The following LINGO1 variants were observed in gnomAD, a reference collection of about 807,000 sequenced individuals.
LINGO1 encodes leucine-rich repeat and immunoglobulin-like domain-containing nogo receptor-interacting protein 1.
LINGO1 carries 11 observed loss-of-function variants against 37.3 expected under a neutral mutation model. That is an observed-to-expected ratio of 0.29 (90% CI 0.19 to 0.49). The LOEUF is 0.49. Ranked by LOEUF, LINGO1 falls within the 20% of genes least tolerant of loss-of-function variation. The probability of loss-of-function intolerance (pLI) is 0.99; values close to 1 mark genes in which losing one functional copy is unlikely to be tolerated. For synonymous variants in LINGO1, 387 were observed against 403.0 expected (o/e 0.96, Z 0.48); for missense variants, 585 against 878.2 (o/e 0.67, Z 4.22).
intron 1 of LINGO1, among the ~76,000 whole-genome samples, chr15:77,692,568 C>T (rs983458992): frequency 1.3e-5 from 2 of 152,318 alleles, no homozygotes; most frequent in South Asian, 2.1e-4. Flanking sequence ...ATTGAAGTTG[C>T]GGATGCATCC....
intron 1 of LINGO1, among the ~76,000 whole-genome samples, chr15:77,811,457 C>T (rs1442923684): frequency 1.3e-5 from 2 of 152,146 alleles, no homozygotes; most frequent in Admixed American, 1.3e-4. Flanking sequence ...TCTGCCCAAT[C>T]CTGGGCTACA....
At chr15:77,671,346 G>C (rs1326264727) in intron 3 of LINGO1, among the ~76,000 whole-genome samples, 3 of 152,192 alleles carry the variant, frequency 2.0e-5, no homozygotes, top group Non-Finnish European at 4.4e-5. Context: ...AGGAGAGGGG[G>C]TGAGAAGGGA....
In LINGO1 at chr15:77,624,250, T is replaced by C. The variant is rs558704854; in HGVS notation, c.6+8060A>G. Among the ~76,000 whole-genome samples, 21 of 152,064 alleles carry C rather than the reference T, an allele frequency of 1.4e-4. No homozygotes were observed. In the East Asian group the frequency reaches 2.3e-3, roughly 17 times the overall value. On this transcript the variant is annotated intron_variant, in intron 1 of 1. Transcript: ENST00000355300. ...GTATGGTGTGTGAGTGGCCTCTGTGTGTGTGTGCTGGTTGCCTCTCCTCCC... is the reference window on the plus strand; with the variant it reads ...GTATGGTGTGTGAGTGGCCTCTGTGCGTGTGTGCTGGTTGCCTCTCCTCCC...
At chr15:77,654,712 G>C (rs7174793) in intron 3 of LINGO1, among the ~76,000 whole-genome samples, 3 of 152,024 alleles carry the variant, frequency 2.0e-5, no homozygotes, top group Non-Finnish European at 1.5e-5. Context: ...TCTAACCCTG[G>C]CTCTGCTGCC....
chr15:77,665,033 T>C (rs28498879), intron 3 of LINGO1, among the ~76,000 whole-genome samples: 10,396 of 152,144 alleles, frequency 0.068, 1,231 homozygotes, highest in African/African-American at 0.24. Context: ...TGGGCGCACA[T>C]CTTGGTATAC....
intron 1 of LINGO1, among the ~76,000 whole-genome samples, chr15:77,621,183 T>C (rs1354690378): frequency 6.6e-6 from 1 of 151,944 alleles, no homozygotes; most frequent in Non-Finnish European, 1.5e-5. Flanking sequence ...GCCTCCCAGA[T>C]AGCTGCGATT....
chr15:77,718,692 C>A (rs1381654250), intron 2 of LINGO1, among the ~76,000 whole-genome samples: 2 of 150,758 alleles, frequency 1.3e-5, no homozygotes, highest in African/African-American at 4.8e-5. Flanking sequence ...GCAGTATAGA[C>A]CCCTTAGTCA....
rs57831674 is a variant in LINGO1 at position 77,713,210 on chromosome 15, TTGTGTGTGTG to T, written c.-195+21772_-195+21781del. Among the ~76,000 whole-genome samples the T allele has an allele frequency of 4.4e-3, 548 of 123,796 alleles. 2 individuals carry two copies. The highest frequency in any genetic ancestry group is 8.3e-3 in the Admixed American group (99 of 11,868). 81.2% of individuals were successfully genotyped at this position (123,796 alleles called of 152,430 possible). ...GGCACACACCACCATGCCCAGCTAATTGTGTGTGTGTGTGTGTGTGTGTGTGTGTGTGTGT... is the reference window on the plus strand; with the variant it reads ...GGCACACACCACCATGCCCAGCTAATTGTGTGTGTGTGTGTGTGTGTGTGT... On this transcript the variant is annotated intron_variant, in intron 2 of 3. Coordinates refer to the LINGO1 transcript ENST00000561686.
chr15:77,639,518 G>A (rs1274996832), intron 3 of LINGO1, among the ~76,000 whole-genome samples: 1 of 151,892 alleles, frequency 6.6e-6, no homozygotes, highest in African/African-American at 2.4e-5. Flanking sequence ...ACGAGGGCAA[G>A]CAGAGGAGCG....
chr15:77,655,122 C>G lies in LINGO1; in HGVS notation c.-13+21967G>C, dbSNP rs554599384. Among the ~76,000 whole-genome samples, 4 of 152,330 alleles carry G rather than the reference C, an allele frequency of 2.6e-5. No individual in the cohort carries two copies. The South Asian group carries it at 6.2e-4, about 24-fold the overall frequency. ...TCCAGAGGGTGTCACACCAAGGAAG[C>G]TCTGAGAGAGCAATGTCGCAGTGCT... On this transcript the variant is annotated intron_variant, in intron 3 of 3. Coordinates refer to the LINGO1 transcript ENST00000559893.
rs112227618 is a variant in LINGO1 at position 77,732,905 on chromosome 15, T to C, written c.-195+2087A>G. On this transcript the variant is annotated intron_variant, in intron 2 of 3. Coordinates refer to the LINGO1 transcript ENST00000561686. ...CCCACGAGTCATAAATAATCGAAGG[T>C]GCTCTGATGCTGCGTCCAGGTGTGT... Among the ~76,000 whole-genome samples, 830 of 152,304 alleles carry C rather than the reference T, an allele frequency of 5.4e-3. 10 individuals carry two copies. Among genetic ancestry groups the C allele is most frequent in the African/African-American group, 0.019 (788 of 41,550 alleles).
chr15:77,812,451 TG>T (rs971444035), intron 1 of LINGO1, among the ~76,000 whole-genome samples: 1 of 152,236 alleles, frequency 6.6e-6, no homozygotes, highest in African/African-American at 2.4e-5. Flanking sequence ...CAGAAGAGAC[TG>T]GAAGCAAAAT....
intron 3 of LINGO1, among the ~76,000 whole-genome samples, chr15:77,674,343 C>A (rs1163998129): frequency 6.6e-6 from 1 of 152,194 alleles, no homozygotes; most frequent in Non-Finnish European, 1.5e-5. Context: ...TGTCGGATCT[C>A]CCTGCTTCAC....
intron 3 of LINGO1, among the ~76,000 whole-genome samples, chr15:77,675,629 G>C (rs936399253): frequency 6.6e-6 from 1 of 152,114 alleles, no homozygotes; most frequent in Non-Finnish European, 1.5e-5. Context: ...GTTAGCTCTT[G>C]GGAGGAAAAG....
chr15:77,651,401 T>C (rs1204889368), intron 3 of LINGO1: 2 of 152,216 alleles, frequency 1.3e-5, no homozygotes, highest in Non-Finnish European at 2.9e-5. Context: ...GCGAAGTCAG[T>C]GGCCTAGGAG....
chr15:77,642,017 C>G (rs955533347), intron 3 of LINGO1: 1 of 456,460 alleles, frequency 2.2e-6, no homozygotes, highest in African/African-American at 2.0e-5. Flanking sequence ...ATACTCATGC[C>G]TATCTTGGAG....
chr15:77,682,820 G>A (rs774580624), intron 2 of LINGO1, among the ~76,000 whole-genome samples: 1 of 151,786 alleles, frequency 6.6e-6, no homozygotes, highest in Non-Finnish European at 1.5e-5. Context: ...CTTAAAACCC[G>A]CCCAGGAAGC....
rs75730493 is a variant in LINGO1, at chr15:77,648,262, C to T, written c.-13+28827G>A. The T allele has an allele frequency of 1.0e-3, 214 of 207,954 alleles. 2 individuals are homozygous for T. The East Asian group carries it at 0.028, about 27-fold the overall frequency. 12.9% of individuals were successfully genotyped at this position (207,954 alleles called of 1,614,324 possible). A position where few individuals can be genotyped will look rare whatever the true frequency, so the allele number is the denominator to read the frequency against. The stretch of plus-strand genomic sequence containing the variant: ...GGCACTGTGCTAGACACTTCACATG[C>T]GGTGAACCTGTGAGGCAGATCCATG... On this transcript the variant is annotated intron_variant, in intron 3 of 3. Transcript: ENST00000559893.
In LINGO1 at chr15:77,732,197, A is replaced by C. The variant is rs190735694; in HGVS notation, c.-195+2795T>G. Among the ~76,000 whole-genome samples, 313 of 152,252 alleles carry C rather than the reference A, an allele frequency of 2.1e-3. 1 individual carries two copies. Among genetic ancestry groups the C allele is most frequent in the Non-Finnish European group, 2.3e-3 (157 of 68,026 alleles). ...TCAGGACTTGAGGTCTGCACTCTAC[A>C]CTTTACTGCTAGGTCCACCCACAGC... On this transcript the variant is annotated intron_variant, in intron 2 of 3. Coordinates refer to the LINGO1 transcript ENST00000561686.
Sources: gnomAD v4.1 joint callset for allele counts (sites outside exome capture counted in the v4.1 genomes callset) on GRCh38, gnomAD v4.1.1 for gene constraint, MANE v1.5 for transcripts, NCBI Gene and HGNC (gene_info 2026-07-23, HGNC 2026-07-21) for gene names.